SDK1: variants seen among roughly 807,000 people sequenced by gnomAD.
SDK1 encodes the protein protein sidekick-1.
In SDK1, 157 loss-of-function variants were observed where a neutral mutation model predicts 245.5. That is an observed-to-expected ratio of 0.64 (90% CI 0.56 to 0.73). The LOEUF (loss-of-function observed/expected upper bound fraction) is 0.73. Among genes scored for constraint, SDK1 ranks in the 30% least tolerant of loss-of-function variants. SDK1 has a pLI of 0.00. For missense variants in SDK1, 3,583 were observed against 3,002.3 expected (o/e 1.19, Z -4.52); for synonymous variants, 1,647 against 1,278.5 (o/e 1.29, Z -6.15).
At chr7:3,314,966 T>G (rs1292844955) in intron 1 of SDK1, among the ~76,000 whole-genome samples, 1 of 152,046 alleles carries the variant, frequency 6.6e-6, no homozygotes, top group Non-Finnish European at 1.5e-5. Context: ...GAGGAAACAT[T>G]GGGAGTCCTA....
intron 1 of SDK1, among the ~76,000 whole-genome samples, chr7:3,314,945 A>G (rs934483319): frequency 3.3e-5 from 5 of 152,084 alleles, no homozygotes; most frequent in African/African-American, 7.2e-5. Context: ...AATTGTCCCA[A>G]ATCAGCCAGT....
chr7:3,671,627 G>C (rs750822), intron 4 of SDK1, among the ~76,000 whole-genome samples: 7 of 151,932 alleles, frequency 4.6e-5, no homozygotes, highest in African/African-American at 9.7e-5. Flanking sequence ...CAAGTGAAGA[G>C]TGTTTAAAAT....
intron 5 of SDK1, among the ~76,000 whole-genome samples, chr7:3,827,926 G>A (rs1042995500): frequency 1.6e-4 from 24 of 152,292 alleles, no homozygotes; most frequent in African/African-American, 5.8e-4. Context: ...ATGATAAGCA[G>A]TGAGATTTCA....
At chr7:3,858,069 A>G (rs775878335) in intron 5 of SDK1, among the ~76,000 whole-genome samples, 3 of 152,226 alleles carry the variant, frequency 2.0e-5, no homozygotes, top group South Asian at 2.1e-4. Context: ...TGAAGTTAAT[A>G]TGGAAGCCTT....
chr7:3,644,308 C>CCTTA (rs1782752490), intron 4 of SDK1, among the ~76,000 whole-genome samples: 1 of 150,500 alleles, frequency 6.6e-6, no homozygotes, highest in Non-Finnish European at 1.5e-5. Context: ...ATACCAGTTA[C>CCTTA]CTTAGAAGAT....
rs558886528 is a variant in SDK1 at position 3,636,349 on chromosome 7, C to T, written c.459-2655C>T. 3.3e-5 allele frequency among the ~76,000 whole-genome samples: 5 copies of T among 152,268 alleles called. No homozygotes were observed. In the South Asian group the frequency reaches 1.0e-3, roughly 32 times the overall value. ...TCTCATATGGCTGAAACTTCCTGCC[C>T]TTGGATTCCTCCCCGCTTCCCCTCC... On this transcript the variant is annotated intron_variant, in intron 2 of 44. Coordinates refer to ENST00000404826, the MANE Select transcript of SDK1 (RefSeq NM_152744.4).
At chr7:4,079,780 G>A (rs918941504) in intron 22 of SDK1, among the ~76,000 whole-genome samples, 196 bp downstream of exon 22, 1 of 152,140 alleles carries the variant, frequency 6.6e-6, no homozygotes, top group East Asian at 1.9e-4. Flanking sequence ...GTCAGGCCGG[G>A]GTCCTACCAG....
At chr7:3,825,613 C>T (rs1018915443) in intron 5 of SDK1, among the ~76,000 whole-genome samples, 1 of 152,146 alleles carries the variant, frequency 6.6e-6, no homozygotes, top group Non-Finnish European at 1.5e-5. Flanking sequence ...GCTGACAAAC[C>T]CTTGCTTTTA....
At chr7:3,404,419 C>T (rs1030982478) in intron 1 of SDK1, among the ~76,000 whole-genome samples, 2 of 152,020 alleles carry the variant, frequency 1.3e-5, no homozygotes, top group African/African-American at 4.8e-5. Context: ...TATTTTCTGC[C>T]ATGGTTGATA....
intron 5 of SDK1, among the ~76,000 whole-genome samples, chr7:3,916,036 C>T (rs1779365106): frequency 6.6e-6 from 1 of 152,164 alleles, no homozygotes; most frequent in Admixed American, 6.5e-5. Context: ...GTTGAGGGCA[C>T]ACCCAGGAAA....
intron 35 of SDK1, among the ~76,000 whole-genome samples, chr7:4,197,277 A>G (rs930059950): frequency 2.6e-5 from 4 of 151,702 alleles, no homozygotes; most frequent in Non-Finnish European, 5.9e-5. Context: ...AGCCTGAGCA[A>G]TGTAGCAAGA....
At chr7:3,906,577 G>C (rs1423067084) in intron 5 of SDK1, among the ~76,000 whole-genome samples, 1 of 142,544 alleles carries the variant, frequency 7.0e-6, no homozygotes, top group African/African-American at 2.6e-5. Context: ...TAATTTTTCA[G>C]ATTAAGGAGC....
chr7:4,095,482 G>T (rs1291629985), intron 22 of SDK1, among the ~76,000 whole-genome samples: 1 of 152,210 alleles, frequency 6.6e-6, no homozygotes, highest in Non-Finnish European at 1.5e-5. Flanking sequence ...AGCATCTCCT[G>T]ACTCTGGCTT....
Position 3,732,153 on chromosome 7 carries a change from G to T in SDK1, c.714-89297G>T, listed in dbSNP as rs569900913. ...TATTTGTTAGCAGTGACTACACAGAGTTCCAGTGGGCTTTCTCTGTGTTGA... is the reference window on the plus strand; with the variant it reads ...TATTTGTTAGCAGTGACTACACAGATTTCCAGTGGGCTTTCTCTGTGTTGA... On this transcript the variant is annotated intron_variant, in intron 4 of 44. Transcript: ENST00000404826. Among the ~76,000 whole-genome samples the T allele has an allele frequency of 1.1e-3, 171 of 152,338 alleles. 1 individual carries two copies. Among genetic ancestry groups the T allele is most frequent in the African/African-American group, 3.7e-3 (153 of 41,582 alleles).
chr7:3,905,707 C>T (rs187378671), intron 5 of SDK1, among the ~76,000 whole-genome samples: 98 of 152,024 alleles, frequency 6.4e-4, no homozygotes, highest in African/African-American at 2.2e-3. Context: ...ACTGTAACCC[C>T]GAACTCCTGG....
chr7:4,133,143 G>A (rs1784954528), intron 28 of SDK1, among the ~76,000 whole-genome samples: 1 of 152,178 alleles, frequency 6.6e-6, no homozygotes, highest in African/African-American at 2.4e-5. Context: ...CCCAATCCTT[G>A]TAAGAAGCCG....
intron 1 of SDK1, among the ~76,000 whole-genome samples, chr7:3,436,340 A>G (rs1780021333): frequency 6.6e-6 from 1 of 152,200 alleles, no homozygotes; most frequent in African/African-American, 2.4e-5. Context: ...AGTGTGCAAT[A>G]TTGGTTTTCA....
At chr7:3,428,179 G>A (rs945847424) in intron 1 of SDK1, among the ~76,000 whole-genome samples, 4 of 152,206 alleles carry the variant, frequency 2.6e-5, no homozygotes, top group African/African-American at 9.6e-5. Flanking sequence ...GAAGTGACGT[G>A]ATTGGTCATG....
chr7:4,230,356 GGATGGATA>G (rs1260358658), intron 40 of SDK1, among the ~76,000 whole-genome samples: 2 of 147,976 alleles, frequency 1.4e-5, no homozygotes, highest in Non-Finnish European at 3.0e-5. Context: ...ATGGATGCCT[GGATGGATA>G]GATGGATGGA....
Sources: gnomAD v4.1 joint callset for allele counts (sites outside exome capture counted in the v4.1 genomes callset) on GRCh38, gnomAD v4.1.1 for gene constraint, MANE v1.5 for transcripts, NCBI Gene and HGNC (gene_info 2026-07-23, HGNC 2026-07-21) for gene names.